NRXN3: variants seen among roughly 807,000 people sequenced by gnomAD.
NRXN3 encodes the protein neurexin 3.
NRXN3 carries 32 observed loss-of-function variants against 137.6 expected under a neutral mutation model. The observed-to-expected ratio is 0.23, with a 90% confidence interval of 0.18 to 0.31. The LOEUF (loss-of-function observed/expected upper bound fraction) is 0.31. Among genes scored for constraint, NRXN3 ranks in the 10% least tolerant of loss-of-function variants. The pLI is 1.00. For synonymous variants in NRXN3, 798 were observed against 784.5 expected (o/e 1.02, Z -0.29); for missense variants, 1,574 against 2,062.5 (o/e 0.76, Z 4.59).
intron 15 of NRXN3, among the ~76,000 whole-genome samples, chr14:79,178,733 T>A (rs2062614185): frequency 6.6e-6 from 1 of 152,230 alleles, no homozygotes; most frequent in Non-Finnish European, 1.5e-5. Flanking sequence ...TGTATACATA[T>A]GTTCAACTGC....
At chr14:79,537,776 C>G (rs371414502) in intron 16 of NRXN3, among the ~76,000 whole-genome samples, 14 of 152,054 alleles carry the variant, frequency 9.2e-5, no homozygotes, top group Admixed American at 7.9e-4. Context: ...CTTTATAGCA[C>G]CATGATTTAT....
At chr14:78,654,581 A>C (rs1347764431) in intron 6 of NRXN3, among the ~76,000 whole-genome samples, 1 of 152,204 alleles carries the variant, frequency 6.6e-6, no homozygotes, top group Non-Finnish European at 1.5e-5. Context: ...GTACTTCCTA[A>C]CTTCATACCA....
chr14:79,857,303 G>C (rs935116578), intron 20 of NRXN3, among the ~76,000 whole-genome samples: 3 of 152,108 alleles, frequency 2.0e-5, no homozygotes, highest in Non-Finnish European at 2.9e-5. Flanking sequence ...CTCACTGCAA[G>C]CTCTGCCTCC....
intron 16 of NRXN3, among the ~76,000 whole-genome samples, chr14:79,515,043 G>A (rs1295513253): frequency 6.6e-6 from 1 of 150,486 alleles, no homozygotes; most frequent in Non-Finnish European, 1.5e-5. Context: ...AAAAGAAAGA[G>A]AGATACTATC....
intron 20 of NRXN3, among the ~76,000 whole-genome samples, chr14:79,806,539 T>G (rs932883439): frequency 2.0e-5 from 3 of 152,180 alleles, no homozygotes; most frequent in Non-Finnish European, 4.4e-5. Flanking sequence ...TTTCATATTT[T>G]TAGGTAATAA....
rs138527168 is a variant in NRXN3 at position 79,488,058 on chromosome 14, C to T, written c.3444+20656C>T. Among the ~76,000 whole-genome samples, 329 of 152,112 alleles carry T rather than the reference C, an allele frequency of 2.2e-3. 1 individual carries two copies. Among genetic ancestry groups the T allele is most frequent in the Non-Finnish European group, 3.3e-3 (226 of 67,914 alleles). On this transcript the variant is annotated intron_variant, in intron 16 of 20. Transcript: ENST00000335750. ...ACTTCACTGATCATAAGCAGGCCCC[C>T]GAGCACCAAGGGCTAGCAGCTGTGT...
intron 4 of NRXN3, among the ~76,000 whole-genome samples, chr14:78,521,693 T>G (rs1204268487): frequency 6.6e-6 from 1 of 152,102 alleles, no homozygotes; most frequent in Non-Finnish European, 1.5e-5. Context: ...AAACCTTAAT[T>G]TCAGTGAATG....
At chr14:79,750,720 C>T (rs1019109547) in intron 19 of NRXN3, among the ~76,000 whole-genome samples, 10 of 152,090 alleles carry the variant, frequency 6.6e-5, no homozygotes, top group Admixed American at 2.0e-4. Context: ...TCTCTCATTC[C>T]GCAAAGTCAG....
intron 10 of NRXN3, among the ~76,000 whole-genome samples, chr14:78,815,334 T>C (rs2098928589): frequency 6.6e-6 from 1 of 152,180 alleles, no homozygotes. Flanking sequence ...GCTGATACCT[T>C]TGATTCATCA....
chr14:79,316,416 CA>C (rs1194518306), intron 15 of NRXN3, among the ~76,000 whole-genome samples: 6 of 152,256 alleles, frequency 3.9e-5, no homozygotes, highest in Non-Finnish European at 7.4e-5. Flanking sequence ...AAATATTCAA[CA>C]ACCAGTAGGA....
At chr14:78,679,435 T>C (rs1049997038) in intron 6 of NRXN3, among the ~76,000 whole-genome samples, 11 of 152,192 alleles carry the variant, frequency 7.2e-5, no homozygotes, top group African/African-American at 2.7e-4. Flanking sequence ...TGTTATATGA[T>C]TTTAAAAACC....
intron 1 of NRXN3, among the ~76,000 whole-genome samples, chr14:78,225,078 A>G (rs891826336): frequency 6.6e-6 from 1 of 152,194 alleles, no homozygotes; most frequent in Non-Finnish European, 1.5e-5. Context: ...ATGTGTCTTT[A>G]TAGCAGCATG....
intron 4 of NRXN3, among the ~76,000 whole-genome samples, chr14:78,509,553 T>C (rs2096063930): frequency 6.6e-6 from 1 of 152,138 alleles, no homozygotes; most frequent in Non-Finnish European, 1.5e-5. Context: ...TAGGTTTATA[T>C]GCTTGGAAGT....
chr14:78,976,234 T>C (rs2099465535), intron 14 of NRXN3, among the ~76,000 whole-genome samples: 1 of 152,200 alleles, frequency 6.6e-6, no homozygotes, highest in South Asian at 2.1e-4. Flanking sequence ...AGGTGATTAA[T>C]TAGAATCTTC....
In NRXN3 at chr14:79,257,343, C is replaced by CTGGTGG. The variant is rs577147425; in HGVS notation, c.3263-209839_3263-209834dup. ...TCTGTGGATAGCAATTGTCTTATTC[C>CTGGTGG]TGGTGGTGGTGGTGGTGGTGGTGGT... On this transcript the variant is annotated intron_variant, in intron 15 of 20. Transcript: ENST00000335750. Among the ~76,000 whole-genome samples, 29 of 12,700 alleles carry CTGGTGG rather than the reference C, an allele frequency of 2.3e-3. 3 individuals are homozygous for CTGGTGG. The highest frequency in any genetic ancestry group is 5.3e-3 in the Admixed American group (5 of 936). The allele number at this position is 12,700 out of a possible 152,430, so 8.3% of individuals were successfully genotyped here.
chr14:79,684,891 C>T (rs555428736), intron 17 of NRXN3, among the ~76,000 whole-genome samples: 29 of 152,034 alleles, frequency 1.9e-4, no homozygotes, highest in Non-Finnish European at 3.7e-4. Context: ...AGAGATGACA[C>T]AGAGGGTGGA....
At chr14:78,190,668 CTTAA>C (rs1595752851) in intron 1 of NRXN3, among the ~76,000 whole-genome samples, 1 of 146,782 alleles carries the variant, frequency 6.8e-6, no homozygotes, top group East Asian at 2.0e-4. Context: ...TACTTACTTA[CTTAA>C]TTACTTACTT....
intron 16 of NRXN3, among the ~76,000 whole-genome samples, chr14:79,510,764 C>T (rs1244630093): frequency 6.6e-6 from 1 of 152,158 alleles, no homozygotes; most frequent in Non-Finnish European, 1.5e-5. Context: ...CAGCTTTCTG[C>T]CAATGTATCA....
intron 6 of NRXN3, among the ~76,000 whole-genome samples, chr14:78,654,248 T>A (rs1328802190): frequency 4.6e-5 from 7 of 152,238 alleles, no homozygotes; most frequent in Non-Finnish European, 7.3e-5. Context: ...TAAACCCCAC[T>A]CACCCACTTA....
Sources: gnomAD v4.1 joint callset for allele counts (sites outside exome capture counted in the v4.1 genomes callset) on GRCh38, gnomAD v4.1.1 for gene constraint, MANE v1.5 for transcripts, NCBI Gene and HGNC (gene_info 2026-07-23, HGNC 2026-07-21) for gene names.